The following SKAP1 variants were observed in gnomAD, a reference collection of about 807,000 sequenced individuals.
The protein encoded by SKAP1 is src kinase associated phosphoprotein 1, also known as src kinase-associated phosphoprotein 1.
SKAP1 carries 44 observed loss-of-function variants against 58.5 expected under a neutral mutation model. The ratio of observed to expected loss-of-function variants is 0.75; its 90% confidence interval spans 0.59 to 0.97. The LOEUF is 0.97. Ranked by LOEUF, SKAP1 falls within the 50% of genes least tolerant of loss-of-function variation. The pLI, the probability that SKAP1 is intolerant of heterozygous loss-of-function variation, is 0.00. For synonymous variants in SKAP1, 127 were observed against 149.7 expected, an observed-to-expected ratio of 0.85 and a Z score of 1.11; for missense variants, 390 against 435.2, an observed-to-expected ratio of 0.90 and a Z score of 0.92.
the SKAP1 span, among the ~76,000 whole-genome samples, chr17:48,441,928 TC>T: frequency 6.6e-6 from 1 of 152,172 alleles, no homozygotes; most frequent in Non-Finnish European, 1.5e-5. Flanking sequence ...GGTGGAGATT[TC>T]CCAACCTTTT....
chr17:48,310,500 T>TA (rs1293670771), intron 4 of SKAP1, among the ~76,000 whole-genome samples: 3 of 152,246 alleles, frequency 2.0e-5, no homozygotes, highest in African/African-American at 7.2e-5. Context: ...CAGCTGTTCA[T>TA]ATTTTCACTC....
chr17:48,327,251 C>T (rs1329633292), intron 4 of SKAP1, among the ~76,000 whole-genome samples: 2 of 152,168 alleles, frequency 1.3e-5, no homozygotes, highest in African/African-American at 4.8e-5. Context: ...CTAGGATCAA[C>T]ACACTAAAGA....
At chr17:48,173,021 A>C in intron 9 of SKAP1, among the ~76,000 whole-genome samples, 1 of 152,208 alleles carries the variant, frequency 6.6e-6, no homozygotes, top group Middle Eastern at 3.4e-3. Context: ...ATAAAAAATA[A>C]AAATAAAAAT....
chr17:48,190,131 C>T (rs183429930), intron 4 of SKAP1, among the ~76,000 whole-genome samples: 8 of 141,100 alleles, frequency 5.7e-5, no homozygotes, highest in African/African-American at 2.1e-4. Context: ...TTTTTTGAGA[C>T]AGTCTGTCTC....
chr17:48,397,516 G>A (rs571820231), intron 1 of SKAP1, among the ~76,000 whole-genome samples: 13 of 152,240 alleles, frequency 8.5e-5, no homozygotes, highest in African/African-American at 2.4e-4. Context: ...GTGAGCCACC[G>A]CGCCCGGCCT....
intron 1 of SKAP1, among the ~76,000 whole-genome samples, chr17:48,412,399 TA>T (rs1309392025): frequency 1.3e-5 from 2 of 152,176 alleles, no homozygotes. Flanking sequence ...CAGAAAAAAA[TA>T]AGTAAAATAA....
At chr17:48,362,575 T>C (rs2066950314) in intron 3 of SKAP1, among the ~76,000 whole-genome samples, 2 of 152,272 alleles carry the variant, frequency 1.3e-5, no homozygotes, top group Admixed American at 1.3e-4. Context: ...TTTTCAGCTA[T>C]AAATGCTTTA....
intron 4 of SKAP1, among the ~76,000 whole-genome samples, chr17:48,276,867 T>C (rs1248126963): frequency 2.6e-5 from 4 of 152,216 alleles, no homozygotes; most frequent in Non-Finnish European, 4.4e-5. Context: ...CGTTTCTCTG[T>C]ATCTTAGACA....
intron 4 of SKAP1, among the ~76,000 whole-genome samples, chr17:48,280,865 C>T (rs2144032785): frequency 6.6e-6 from 1 of 152,222 alleles, no homozygotes; most frequent in Non-Finnish European, 1.5e-5. Context: ...CTTTTTATTG[C>T]TGAATAGAAA....
chr17:48,169,866 G>A (rs1366500135), intron 10 of SKAP1, among the ~76,000 whole-genome samples: 2 of 152,190 alleles, frequency 1.3e-5, no homozygotes, highest in East Asian at 1.9e-4. Context: ...ATATCAGCCA[G>A]TATCTAAATC....
chr17:48,148,894 G>C (rs752393909), intron 11 of SKAP1, among the ~76,000 whole-genome samples: 2 of 152,216 alleles, frequency 1.3e-5, no homozygotes, highest in Admixed American at 6.5e-5. Flanking sequence ...GGGTAGGATA[G>C]AGTGGAATCA....
intron 10 of SKAP1, among the ~76,000 whole-genome samples, chr17:48,163,199 T>C (rs1457294717): frequency 6.6e-6 from 1 of 152,220 alleles, no homozygotes; most frequent in Non-Finnish European, 1.5e-5. Flanking sequence ...GCTGGCCCTT[T>C]TCCAGCATCT....
At chr17:48,374,793 A>G (rs1037695111) in intron 2 of SKAP1, among the ~76,000 whole-genome samples, 1 of 152,254 alleles carries the variant, frequency 6.6e-6, no homozygotes, top group Non-Finnish European at 1.5e-5. Context: ...GGCAAAGAGT[A>G]ACATGGCCAG....
intron 1 of SKAP1, among the ~76,000 whole-genome samples, chr17:48,428,687 G>A (rs2067878966): frequency 6.6e-6 from 1 of 152,170 alleles, no homozygotes; most frequent in South Asian, 2.1e-4. Context: ...ATATTTCAAT[G>A]CAAGGGCAGA....
chr17:48,205,612 A>G (rs1446367049), intron 4 of SKAP1, among the ~76,000 whole-genome samples: 1 of 152,204 alleles, frequency 6.6e-6, no homozygotes, highest in Non-Finnish European at 1.5e-5. Flanking sequence ...AATCACAGTG[A>G]TATTTCAGAA....
At chr17:48,381,896 T>C (rs1163308809) in intron 2 of SKAP1, among the ~76,000 whole-genome samples, 1 of 152,250 alleles carries the variant, frequency 6.6e-6, no homozygotes, top group Non-Finnish European at 1.5e-5. Flanking sequence ...GTAGAAACTA[T>C]GAGTGAATGA....
At chr17:48,256,990 C>T (rs2065430377) in intron 4 of SKAP1, among the ~76,000 whole-genome samples, 2 of 152,078 alleles carry the variant, frequency 1.3e-5, no homozygotes, top group Admixed American at 1.3e-4. Flanking sequence ...GTTCACATGT[C>T]TACTTGATTA....
At chr17:48,146,596 G>A (rs568638848) in intron 11 of SKAP1, among the ~76,000 whole-genome samples, 1 of 151,728 alleles carries the variant, frequency 6.6e-6, no homozygotes, top group African/African-American at 2.4e-5. Context: ...CTCCTCAAAG[G>A]TCGACTGCTC....
intron 10 of SKAP1, among the ~76,000 whole-genome samples, 164 bp downstream of exon 10, chr17:48,170,445 T>C (rs1598391439): frequency 6.6e-6 from 1 of 152,184 alleles, no homozygotes; most frequent in Non-Finnish European, 1.5e-5. Context: ...AAAGTTTAGG[T>C]ATTTCCCTAC....
Sources: gnomAD v4.1 joint callset for allele counts (sites outside exome capture counted in the v4.1 genomes callset) on GRCh38, gnomAD v4.1.1 for gene constraint, MANE v1.5 for transcripts, NCBI Gene and HGNC (gene_info 2026-07-23, HGNC 2026-07-21) for gene names.